The following ZNF277 variants were observed in gnomAD, a reference collection of about 807,000 sequenced individuals.
ZNF277 encodes the protein zinc finger protein 277.
Under a neutral mutation model 60.7 loss-of-function variants are expected in ZNF277, and 55 were observed. The ratio of observed to expected loss-of-function variants is 0.91; its 90% CI spans 0.73 to 1.13. The LOEUF (loss-of-function observed/expected upper bound fraction) is 1.13, where lower values mean the gene tolerates loss of function less well. ZNF277 is among the 50% of genes most tolerant of loss of function. The pLI is 0.00. For missense variants in ZNF277, 510 were observed against 523.0 expected, an observed-to-expected ratio of 0.98 and a Z score of 0.24; for synonymous variants, 178 against 179.3, an observed-to-expected ratio of 0.99 and a Z score of 0.06.
intron 7 of ZNF277, among the ~76,000 whole-genome samples, chr7:112,334,373 G>A (rs1370684785): frequency 1.3e-5 from 2 of 150,066 alleles, no homozygotes; most frequent in African/African-American, 2.4e-5. Flanking sequence ...TCATTAGCAG[G>A]CACAGTGTCT....
At chr7:112,272,610 C>A (rs1791698004) in intron 1 of ZNF277, among the ~76,000 whole-genome samples, 1 of 152,210 alleles carries the variant, frequency 6.6e-6, no homozygotes, top group Non-Finnish European at 1.5e-5. Context: ...TCTCCTCCCT[C>A]AGCCTCCTGA....
chr7:112,281,881 G>A (rs1327548975), intron 1 of ZNF277, among the ~76,000 whole-genome samples: 5 of 152,102 alleles, frequency 3.3e-5, no homozygotes, highest in African/African-American at 9.7e-5. Flanking sequence ...CACCCAGGCT[G>A]GAGTGCAATG....
intron 5 of ZNF277, among the ~76,000 whole-genome samples, chr7:112,323,026 AC>A: frequency 6.6e-6 from 1 of 150,942 alleles, no homozygotes; most frequent in Admixed American, 6.6e-5. Context: ...TCCTTGAACC[AC>A]TGTATCTTCT....
intron 1 of ZNF277, among the ~76,000 whole-genome samples, chr7:112,260,484 A>G (rs903012780): frequency 5.9e-5 from 9 of 152,318 alleles, no homozygotes; most frequent in African/African-American, 1.2e-4. Flanking sequence ...ATACTACTCA[A>G]TCTCTCAAAA....
At chr7:112,311,867 T>C (rs1229534142) in intron 4 of ZNF277, among the ~76,000 whole-genome samples, 1 of 152,150 alleles carries the variant, frequency 6.6e-6, no homozygotes, top group East Asian at 1.9e-4. Context: ...AGAAGAAGGA[T>C]GCACAGAATT....
intron 4 of ZNF277, among the ~76,000 whole-genome samples, chr7:112,314,375 A>G (rs1185812865): frequency 1.3e-5 from 2 of 152,172 alleles, no homozygotes; most frequent in African/African-American, 4.8e-5. Context: ...GGCTTCAGAA[A>G]TCATAGTAGG....
intron 1 of ZNF277, among the ~76,000 whole-genome samples, chr7:112,228,998 A>G (rs1345895435): frequency 6.6e-6 from 1 of 152,218 alleles, no homozygotes; most frequent in East Asian, 1.9e-4. Flanking sequence ...GCATTATATA[A>G]ATTAAGCAGT....
chr7:112,284,042 T>C (rs1792006735), intron 1 of ZNF277, among the ~76,000 whole-genome samples: 1 of 152,246 alleles, frequency 6.6e-6, no homozygotes, highest in Non-Finnish European at 1.5e-5. Flanking sequence ...CAACTCAGAA[T>C]GTTTAGGCTA....
At chr7:112,323,852 T>G (rs1431602198) in intron 5 of ZNF277, among the ~76,000 whole-genome samples, 1 of 152,176 alleles carries the variant, frequency 6.6e-6, no homozygotes, top group Admixed American at 6.5e-5. Context: ...CCAAATCACA[T>G]TTATAAGTTT....
At chr7:112,284,349 G>A (rs954628151) in intron 1 of ZNF277, among the ~76,000 whole-genome samples, 7 of 152,092 alleles carry the variant, frequency 4.6e-5, no homozygotes, top group Non-Finnish European at 7.4e-5. Flanking sequence ...TTCCTACATG[G>A]CAGGTAATAA....
intron 4 of ZNF277, among the ~76,000 whole-genome samples, chr7:112,296,888 T>TTTTTTTTA (rs1792350674): frequency 4.8e-5 from 3 of 62,192 alleles, no homozygotes; most frequent in Non-Finnish European, 9.0e-5. Context: ...CTTATTTTTA[T>TTTTTTTTA]TTTATTTATT....
intron 4 of ZNF277, among the ~76,000 whole-genome samples, chr7:112,304,288 A>G (rs1302751614): frequency 6.6e-6 from 1 of 152,160 alleles, no homozygotes; most frequent in East Asian, 1.9e-4. Flanking sequence ...TATTTAGTAT[A>G]TTATTTGAGT....
At chr7:112,273,205 T>C (rs1211533259) in intron 1 of ZNF277, among the ~76,000 whole-genome samples, 2 of 152,150 alleles carry the variant, frequency 1.3e-5, no homozygotes, top group Non-Finnish European at 2.9e-5. Flanking sequence ...CTTTAGCCCG[T>C]GGTTTGCTGG....
At chr7:112,341,128 G>GA (rs11463201) in intron 11 of ZNF277, 82 bp downstream of exon 11, 182,039 of 1,238,190 alleles carry the variant, frequency 0.15, 12,885 homozygotes, top group South Asian at 0.16. Context: ...TAAGCCTACA[G>GA]AAAAAAAAGG....
At chr7:112,256,866 T>G (rs1490492648) in intron 1 of ZNF277, among the ~76,000 whole-genome samples, 1 of 152,192 alleles carries the variant, frequency 6.6e-6, no homozygotes, top group Non-Finnish European at 1.5e-5. Context: ...ATCTGTTCTT[T>G]TCTTTCTTCT....
intron 1 of ZNF277, among the ~76,000 whole-genome samples, chr7:112,260,025 T>C (rs1791407172): frequency 6.6e-6 from 1 of 152,312 alleles, no homozygotes; most frequent in African/African-American, 2.4e-5. Context: ...TCAGCACTTT[T>C]AGAGGTCAAC....
At chr7:112,270,478 C>T (rs1476354134) in intron 1 of ZNF277, among the ~76,000 whole-genome samples, 5 of 152,024 alleles carry the variant, frequency 3.3e-5, no homozygotes, top group Admixed American at 6.6e-5. Flanking sequence ...TGAGAAAGCT[C>T]GGCCCTGATT....
intron 1 of ZNF277, among the ~76,000 whole-genome samples, chr7:112,210,465 G>GTTTTTTTTTTTTT (rs66533644): frequency 2.3e-5 from 3 of 132,670 alleles, no homozygotes; most frequent in African/African-American, 2.7e-5. Context: ...TTTGTTTTTT[G>GTTTTTTTTTTTTT]TTTTTTTTTT....
At position 112,246,229 on chromosome 7, in the gene ZNF277, C is replaced by CA. The variant is rs142320417; in HGVS notation, c.91+39431dup. 3.7e-3 allele frequency among the ~76,000 whole-genome samples: 560 copies of CA among 150,734 alleles called. 11 individuals are homozygous for CA. The East Asian group carries it at 0.055, about 15-fold the overall frequency. The stretch of plus-strand genomic sequence containing the variant: ...CAACACCCCATCCCTACAAAAGATA[C>CA]AAAAAAAAATTAGCCAGGCATGATG... On this transcript the variant is annotated intron_variant, in intron 1 of 11. Coordinates refer to ENST00000361822, the MANE Select transcript of ZNF277 (RefSeq NM_021994.3).
Sources: gnomAD v4.1 joint callset for allele counts (sites outside exome capture counted in the v4.1 genomes callset) on GRCh38, gnomAD v4.1.1 for gene constraint, MANE v1.5 for transcripts, NCBI Gene and HGNC (gene_info 2026-07-23, HGNC 2026-07-21) for gene names.